Variants in SDF2 observed in about 807,000 individuals in gnomAD.
The protein encoded by SDF2 is stromal cell derived factor 2, also known as stromal cell-derived factor 2.
A neutral mutation model predicts 20.5 loss-of-function variants in SDF2; 12 were observed. That is an observed-to-expected ratio of 0.58 (90% CI 0.37 to 0.95). The LOEUF (loss-of-function observed/expected upper bound fraction) is 0.95, where lower values mean the gene tolerates loss of function less well. Among genes scored for constraint, SDF2 ranks in the 40% least tolerant of loss-of-function variants. The probability of loss-of-function intolerance (pLI) is 0.01; values close to 1 mark genes in which losing one functional copy is unlikely to be tolerated. For synonymous variants in SDF2, 100 were observed against 101.0 expected (o/e 0.99, Z 0.06); for missense variants, 238 against 263.1 (o/e 0.90, Z 0.66).
Position 28,660,215 on chromosome 17 carries a change from G to A in SDF2, c.151+1511C>T, listed in dbSNP as rs779246440. Among the ~76,000 whole-genome samples the A allele has an allele frequency of 3.9e-5, 6 of 152,210 alleles. No individual in the cohort carries two copies. In the East Asian group the frequency reaches 7.7e-4, roughly 19 times the overall value. Reference sequence around the variant, plus strand: ...GATCACGGCAGTACAGTCCAGCCTCGGCAACAGAGGGAGACCGTGGAAAGA... The same window carrying A: ...GATCACGGCAGTACAGTCCAGCCTCAGCAACAGAGGGAGACCGTGGAAAGA... On this transcript the variant is annotated intron_variant, in intron 1 of 2. Coordinates refer to ENST00000247020, the MANE Select transcript of SDF2 (RefSeq NM_006923.4).
At chr17:28,657,896 T>C (rs1435011353) in intron 1 of SDF2, 1 of 152,122 alleles carries the variant, frequency 6.6e-6, no homozygotes, top group Non-Finnish European at 1.5e-5. Flanking sequence ...GCACTTGTAG[T>C]CCCAGCTACT....
intron 2 of SDF2, among the ~76,000 whole-genome samples, chr17:28,653,801 C>T (rs959703986): frequency 1.3e-5 from 2 of 152,018 alleles, no homozygotes; most frequent in African/African-American, 4.8e-5. Context: ...CAGAGCGAGA[C>T]TCTGTCTCAA....
In SDF2 at chr17:28,649,008, G is replaced by C. The variant is rs766996259; in HGVS notation, c.617C>G (p.Ala206Gly). ...CTAGATTCACAGCTCTGCATGGTGGGCTTCTGCCTTCAACAACTCACTGGG... is the reference window on the plus strand; with the variant it reads ...CTAGATTCACAGCTCTGCATGGTGGCCTTCTGCCTTCAACAACTCACTGGG... Reference protein sequence around the residue: ...MKPSELLKAEAHHAEL With the variant: ...MKPSELLKAEGHHAEL The change falls in exon 3 of 3, where the codon GCC becomes GGC. Residue 206 changes from alanine to glycine, a missense_variant. By Grantham distance (60) the Ala-to-Gly change is moderately conservative (BLOSUM62 0). Transcript: ENST00000247020. 6.2e-7 allele frequency: 1 copy of C among 1,614,072 alleles called. No homozygotes were observed. Among genetic ancestry groups the C allele is most frequent in the African/African-American group, 1.3e-5 (1 of 74,936 alleles).
rs146339460 is a variant in SDF2 at position 28,657,248 on chromosome 17, C to G, written c.152-1765G>C. Among the ~76,000 whole-genome samples, 583 of 151,912 alleles carry G rather than the reference C, an allele frequency of 3.8e-3. 2 individuals carry two copies. Among genetic ancestry groups the G allele is most frequent in the African/African-American group, 0.014 (565 of 41,436 alleles). ...TCTCAAAACAAAAACAAAAACAAAA[C>G]AAAAAATGTATCCTTGGAGGTCTGG... On this transcript the variant is annotated intron_variant, in intron 1 of 2. Transcript: ENST00000247020.
chr17:28,655,202 AAAAG>A, intron 2 of SDF2, 81 bp downstream of exon 2: 1 of 1,318,660 alleles, frequency 7.6e-7, no homozygotes. Context: ...CTACACCTAG[AAAAG>A]AAACATTTAA....
In SDF2 at chr17:28,648,718, GTT is replaced by G; in HGVS notation, c.*269_*270del. 2.1e-6 allele frequency: 1 copy of G among 473,304 alleles called. No homozygotes were observed. The allele number at this position is 473,304 out of a possible 1,614,324, so 29.3% of individuals were successfully genotyped here. On this transcript the variant is annotated 3_prime_UTR_variant, in exon 3 of 3. Transcript: ENST00000247020. ...CCAGCTAAGAGGGATGTTTCCCTCA[GTT>G]TGTTTTATCAGTACTAATAAAAAGC...
At position 28,649,114 on chromosome 17, in the gene SDF2, T is replaced by A. The variant is rs1381959633; in HGVS notation, c.511A>T (p.Ser171Cys). 6.2e-7 allele frequency: 1 copy of A among 1,614,248 alleles called. No homozygotes were observed. Among genetic ancestry groups the A allele is most frequent in the African/African-American group, 1.3e-5 (1 of 75,054 alleles). Residue 171 changes from serine to cysteine, a missense_variant, in exon 3 of 3, where the codon AGT becomes TGT. Physicochemically the swap from Ser to Cys is moderately radical, Grantham distance 112. Transcript: ENST00000247020. ...ATGCCATGCACCTCTTTTTGCCCACTGATAGGTCGACCATATTGTTCTCCT... is the reference window on the plus strand; with the variant it reads ...ATGCCATGCACCTCTTTTTGCCCACAGATAGGTCGACCATATTGTTCTCCT... ...VTGEQYGRPI[S>C]GQKEVHGMAQ...
chr17:28,649,014 G>A lies in SDF2; in HGVS notation c.611C>T (p.Ala204Val), dbSNP rs754197467. The A allele has an allele frequency of 1.2e-6, 2 of 1,614,096 alleles. No homozygotes were observed. Among genetic ancestry groups the A allele is most frequent in the Non-Finnish European group, 1.7e-6 (2 of 1,180,046 alleles). Reference protein sequence around the residue: ...IFMKPSELLKAEAHHAEL With the variant: ...IFMKPSELLKVEAHHAEL Reference sequence around the variant, plus strand: ...TCACAGCTCTGCATGGTGGGCTTCTGCCTTCAACAACTCACTGGGCTTCAT... The same window carrying A: ...TCACAGCTCTGCATGGTGGGCTTCTACCTTCAACAACTCACTGGGCTTCAT... Residue 204 changes from alanine to valine, a missense_variant, in exon 3 of 3, where the codon GCA (alanine) becomes GTA (valine). By Grantham distance (64) the Ala-to-Val change is moderately conservative. Coordinates refer to ENST00000247020, the MANE Select transcript of SDF2 (RefSeq NM_006923.4).
upstream of SDF2, chr17:28,662,091 G>GA: frequency 2.1e-6 from 1 of 472,446 alleles, no homozygotes; most frequent in Non-Finnish European, 3.7e-6. Context: ...CTGCCTTCCT[G>GA]AGCCGCTTCG....
At chr17:28,659,936 T>C (rs2072007899) in intron 1 of SDF2, among the ~76,000 whole-genome samples, 1 of 152,202 alleles carries the variant, frequency 6.6e-6, no homozygotes, top group Admixed American at 6.5e-5. Flanking sequence ...ACCACTGCAC[T>C]CCAGCCTGGG....
At chr17:28,651,649 C>G (rs916428698) in intron 2 of SDF2, 3 of 152,184 alleles carry the variant, frequency 2.0e-5, no homozygotes, top group African/African-American at 4.8e-5. Flanking sequence ...TCTTTTCTTT[C>G]TTTCTAATAA....
chr17:28,650,242 G>A (rs1338927211), intron 2 of SDF2, among the ~76,000 whole-genome samples: 3 of 151,668 alleles, frequency 2.0e-5, no homozygotes, highest in Non-Finnish European at 4.4e-5. Context: ...ATGAGCCACC[G>A]TGCCCGGCCA....
chr17:28,653,698 G>C lies in SDF2; in HGVS notation c.348+1589C>G, dbSNP rs2071932662. 2.0e-5 allele frequency among the ~76,000 whole-genome samples: 3 copies of C among 152,128 alleles called. No homozygotes were observed. In the East Asian group the frequency reaches 5.8e-4, roughly 29 times the overall value. Reference sequence around the variant, plus strand: ...GTGGTGGCAGGCACCTGTAATCCCAGCTACTCAGGAGGCTGTGGCAAGAGA... The same window carrying C: ...GTGGTGGCAGGCACCTGTAATCCCACCTACTCAGGAGGCTGTGGCAAGAGA... On this transcript the variant is annotated intron_variant, in intron 2 of 2. Transcript: ENST00000247020.
Position 28,655,202 on chromosome 17 carries a change from A to G in SDF2, c.348+85T>C, listed in dbSNP as rs890753091. On this transcript the variant is annotated intron_variant, in intron 2 of 2. Coordinates refer to ENST00000247020, the MANE Select transcript of SDF2 (RefSeq NM_006923.4). ...CACAAAAGAGAACATCTACACCTAG[A>G]AAAGAAACATTTAAGAACCAAGAGA... 8 of 1,318,542 alleles carry G rather than the reference A, an allele frequency of 6.1e-6. No homozygotes were observed. In the African/African-American group the frequency reaches 1.2e-4, roughly 19 times the overall value. The allele number at this position is 1,318,542 out of a possible 1,614,324, so 81.7% of individuals were successfully genotyped here. A position where few individuals can be genotyped will look rare whatever the true frequency, so the allele number is the denominator to read the frequency against.
rs2071923860 is a variant in SDF2, at chr17:28,652,564, T to C, written c.348+2723A>G. Among the ~76,000 whole-genome samples, 4 of 152,312 alleles carry C rather than the reference T, an allele frequency of 2.6e-5. No homozygotes were observed. The South Asian group carries it at 8.3e-4, about 32-fold the overall frequency. ...ACCTTGTGATCCACCCACCTCTGCC[T>C]CACAAAGTGCCGGGATTATAGGTGT... On this transcript the variant is annotated intron_variant, in intron 2 of 2. Transcript: ENST00000247020.
intron 2 of SDF2, among the ~76,000 whole-genome samples, chr17:28,650,168 T>C (rs1448337793): frequency 1.3e-5 from 2 of 151,608 alleles, no homozygotes; most frequent in Non-Finnish European, 2.9e-5. Context: ...GTCAGGCTGG[T>C]TTCGAATTCC....
rs375363715 is a variant in SDF2 at position 28,661,883 on chromosome 17, T to C, written c.-7A>G. ...GCAGAGGTACTACAGCCATCCTAAC[T>C]GTATCGCGGAGCCCCAAATCTTCGA... On this transcript the variant is annotated 5_prime_UTR_variant, in exon 1 of 3. Coordinates refer to ENST00000247020, the MANE Select transcript of SDF2 (RefSeq NM_006923.4). 5.0e-6 allele frequency: 8 copies of C among 1,590,074 alleles called. No homozygotes were observed. The highest frequency in any genetic ancestry group is 4.5e-5 in the East Asian group (2 of 44,244).
At chr17:28,653,766 C>A (rs578250196) in intron 2 of SDF2, among the ~76,000 whole-genome samples, 1 of 151,870 alleles carries the variant, frequency 6.6e-6, no homozygotes, top group Non-Finnish European at 1.5e-5. Flanking sequence ...GAGCTGAGAT[C>A]GCGCCATAGC....
At chr17:28,654,126 C>T (rs1241470940) in intron 2 of SDF2, among the ~76,000 whole-genome samples, 3 of 151,836 alleles carry the variant, frequency 2.0e-5, no homozygotes, top group Non-Finnish European at 2.9e-5. Context: ...GCCTAGGCAA[C>T]ATGGCAAAAC....
Sources: gnomAD v4.1 joint callset for allele counts (sites outside exome capture counted in the v4.1 genomes callset) on GRCh38, gnomAD v4.1.1 for gene constraint, MANE v1.5 for transcripts, NCBI Gene and HGNC (gene_info 2026-07-23, HGNC 2026-07-21) for gene names.